The following MAMDC2 variants were observed in gnomAD, a reference collection of about 807,000 sequenced individuals.
MAMDC2 encodes the protein MAM domain-containing protein 2.
Under a neutral mutation model 89.8 loss-of-function variants are expected in MAMDC2, and 57 were observed. The observed-to-expected ratio is 0.63, with a 90% CI of 0.51 to 0.79. The LOEUF is 0.79. MAMDC2 is among the 30% of genes least tolerant of loss of function. The pLI, the probability that MAMDC2 is intolerant of heterozygous loss-of-function variation, is 0.00. For missense variants in MAMDC2, 800 were observed against 820.6 expected (o/e 0.97, Z 0.31); for synonymous variants, 313 against 293.4 (o/e 1.07, Z -0.68).
At chr9:70,109,886 C>T in intron 4 of MAMDC2, 82 bp downstream of exon 4, 2 of 1,113,594 alleles carry the variant, frequency 1.8e-6, no homozygotes, top group South Asian at 2.5e-5. Context: ...TGAATCAATC[C>T]TAAAGACCAA....
At chr9:70,087,415 A>G (rs1157645141) in intron 2 of MAMDC2, 9 of 152,072 alleles carry the variant, frequency 5.9e-5, no homozygotes, top group Admixed American at 2.0e-4. Flanking sequence ...ATTTTCATGG[A>G]CCTTCTTCAT....
chr9:70,134,163 A>G (rs779917972), intron 7 of MAMDC2, among the ~76,000 whole-genome samples: 3 of 152,068 alleles, frequency 2.0e-5, no homozygotes, highest in Non-Finnish European at 4.4e-5. Context: ...AATCATATCA[A>G]CATACACAGC....
At chr9:70,166,310 T>C (rs999095390) in intron 9 of MAMDC2, among the ~76,000 whole-genome samples, 40 of 139,448 alleles carry the variant, frequency 2.9e-4, no homozygotes, top group Non-Finnish European at 5.4e-4. Context: ...CACACATATA[T>C]ATATATACAT....
chr9:70,194,725 AT>A (rs2032945400), intron 11 of MAMDC2, among the ~76,000 whole-genome samples: 1 of 152,130 alleles, frequency 6.6e-6, no homozygotes, highest in Non-Finnish European at 1.5e-5. Flanking sequence ...GAATGGTATT[AT>A]TATTTTTACA....
chr9:70,053,068 G>A (rs1249592840), intron 2 of MAMDC2, among the ~76,000 whole-genome samples: 1 of 152,212 alleles, frequency 6.6e-6, no homozygotes, highest in Non-Finnish European at 1.5e-5. Flanking sequence ...TAGCTATGGA[G>A]AGCGGGTGTT....
rs755839072 is a variant in MAMDC2, at chr9:70,140,180, T to G, written c.1030T>G (p.Phe344Val). ...LFSAVEASCNFEQDLCNFYQD... is the reference protein window; with the variant it reads ...LFSAVEASCNVEQDLCNFYQD... ...CAGTGCCGTGGAAGCCAGCTGCAAT[T>G]TTGAGCAAGATCTCTGCAACTTTTA... The change falls in exon 8 of 14, where the codon TTT (phenylalanine) becomes GTT (valine). Residue 344 changes from phenylalanine (F) to valine (V), a missense_variant. Coordinates refer to ENST00000377182, the MANE Select transcript of MAMDC2 (RefSeq NM_153267.5). 6.3e-7 allele frequency: 1 copy of G among 1,595,532 alleles called. No homozygotes were observed. Among genetic ancestry groups the G allele is most frequent in the Non-Finnish European group, 8.5e-7 (1 of 1,174,616 alleles).
chr9:70,166,419 A>G (rs1394098747), intron 9 of MAMDC2, among the ~76,000 whole-genome samples: 1 of 152,054 alleles, frequency 6.6e-6, no homozygotes, highest in Non-Finnish European at 1.5e-5. Flanking sequence ...TGAGTCTAAC[A>G]TAATTGTTGT....
intron 2 of MAMDC2, among the ~76,000 whole-genome samples, chr9:70,093,436 T>C (rs1254821198): frequency 6.6e-6 from 1 of 151,324 alleles, no homozygotes; most frequent in Non-Finnish European, 1.5e-5. Context: ...TTTTTTTTTT[T>C]TTTCTTCAGA....
At chr9:70,134,567 A>G (rs1294820246) in intron 7 of MAMDC2, among the ~76,000 whole-genome samples, 2 of 152,086 alleles carry the variant, frequency 1.3e-5, no homozygotes, top group Admixed American at 6.6e-5. Context: ...CCCCACACCC[A>G]GTGACTGGGT....
chr9:70,160,138 G>A (rs1277754967), intron 9 of MAMDC2, among the ~76,000 whole-genome samples: 2 of 152,096 alleles, frequency 1.3e-5, no homozygotes, highest in Non-Finnish European at 2.9e-5. Context: ...CTCGAATCCA[G>A]GAGGGAGAGG....
intron 2 of MAMDC2, among the ~76,000 whole-genome samples, chr9:70,105,195 T>C (rs1484080734): frequency 1.3e-5 from 2 of 152,118 alleles, no homozygotes; most frequent in Admixed American, 6.5e-5. Context: ...GTGTTCCTTC[T>C]AGTTCAATTT....
intron 9 of MAMDC2, among the ~76,000 whole-genome samples, chr9:70,145,760 G>A (rs1456916009): frequency 4.0e-5 from 6 of 151,014 alleles, no homozygotes; most frequent in Non-Finnish European, 4.4e-5. Context: ...TTATTCATTC[G>A]TTTTCTTTAC....
At chr9:70,052,756 TTC>T (rs1471989356) in intron 2 of MAMDC2, among the ~76,000 whole-genome samples, 1 of 152,212 alleles carries the variant, frequency 6.6e-6, no homozygotes, top group Admixed American at 6.5e-5. Flanking sequence ...TAACATTTTT[TTC>T]CTGTAGTAAA....
chr9:70,124,989 G>A (rs1356238370), intron 5 of MAMDC2, among the ~76,000 whole-genome samples: 2 of 152,214 alleles, frequency 1.3e-5, no homozygotes, highest in African/African-American at 2.4e-5. Flanking sequence ...GGGATTACAG[G>A]CATGAGTCAC....
intron 11 of MAMDC2, among the ~76,000 whole-genome samples, chr9:70,213,795 G>A (rs1037211572): frequency 1.2e-4 from 19 of 152,320 alleles, no homozygotes; most frequent in African/African-American, 4.1e-4. Flanking sequence ...TTCAGATAGT[G>A]TAGAACTTGT....
chr9:70,131,068 G>C (rs1180274109), intron 6 of MAMDC2, among the ~76,000 whole-genome samples: 1 of 152,186 alleles, frequency 6.6e-6, no homozygotes, highest in Non-Finnish European at 1.5e-5. Flanking sequence ...GGAAGTCCTA[G>C]ATCAAAGTAT....
intron 4 of MAMDC2, among the ~76,000 whole-genome samples, chr9:70,112,358 T>C (rs1828532871): frequency 6.6e-6 from 1 of 152,172 alleles, no homozygotes; most frequent in Non-Finnish European, 1.5e-5. Context: ...ACTCAGTAGC[T>C]GCAAAAGGGA....
intron 11 of MAMDC2, among the ~76,000 whole-genome samples, chr9:70,178,936 G>T (rs186849033): frequency 1.0e-3 from 158 of 152,272 alleles, no homozygotes; most frequent in Non-Finnish European, 1.7e-3. Context: ...TCGAAGAACT[G>T]TAAGTGACTA....
Position 70,200,635 on chromosome 9 carries a change from C to A in MAMDC2, c.1652-17702C>A, listed in dbSNP as rs1449609356. On this transcript the variant is annotated intron_variant, in intron 11 of 13. Coordinates refer to ENST00000377182, the MANE Select transcript of MAMDC2 (RefSeq NM_153267.5). ...GGGATGGCATTGAATCTGTAAATTA[C>A]CTTGGGCAGTATGGCCATTTTCACG... Among the ~76,000 whole-genome samples the A allele has an allele frequency of 9.2e-5, 13 of 140,960 alleles. 1 individual carries two copies. The highest frequency in any genetic ancestry group is 1.5e-4 in the Non-Finnish European group (10 of 64,706). The allele number at this position is 140,960 out of a possible 152,430, so 92.5% of individuals were successfully genotyped here.
Sources: allele counts gnomAD v4.1 joint callset (sites outside exome capture counted in the v4.1 genomes callset), GRCh38; gene constraint gnomAD v4.1.1; transcripts MANE v1.5; gene names NCBI Gene and HGNC (gene_info 2026-07-23, HGNC 2026-07-21).